NALF1: variants seen among roughly 807,000 people sequenced by gnomAD.
NALF1 encodes family with sequence similarity 155 member A.
A neutral mutation model predicts 48.4 loss-of-function variants in NALF1; 3 were observed. The ratio of observed to expected loss-of-function variants is 0.06; its 90% CI spans 0.03 to 0.16. NALF1 has a LOEUF of 0.16. NALF1 is among the 10% of genes least tolerant of loss of function. The pLI is 1.00. For synonymous variants in NALF1, 262 were observed against 245.7 expected, an observed-to-expected ratio of 1.07 and a Z score of -0.62; for missense variants, 526 against 571.5, an observed-to-expected ratio of 0.92 and a Z score of 0.81.
At chr13:107,738,590 C>G (rs1876532926) in intron 1 of NALF1, among the ~76,000 whole-genome samples, 1 of 152,250 alleles carries the variant, frequency 6.6e-6, no homozygotes, top group East Asian at 1.9e-4. Context: ...AAACTTTCCC[C>G]CTTCATTCTT....
intron 1 of NALF1, among the ~76,000 whole-genome samples, chr13:107,456,029 G>C (rs557342920): frequency 7.9e-5 from 12 of 152,222 alleles, no homozygotes; most frequent in African/African-American, 2.6e-4. Flanking sequence ...ACCCATTTGT[G>C]TACATACCCA....
chr13:107,490,042 TTAC>T (rs1885390372), intron 1 of NALF1, among the ~76,000 whole-genome samples: 1 of 152,164 alleles, frequency 6.6e-6, no homozygotes, highest in South Asian at 2.1e-4. Flanking sequence ...AGATACCATC[TTAC>T]ACCAGTCAGA....
chr13:107,285,423 A>T, intron 1 of NALF1, among the ~76,000 whole-genome samples: 1 of 152,252 alleles, frequency 6.6e-6, no homozygotes, highest in East Asian at 1.9e-4. Context: ...AGCCCAGGAC[A>T]GCATGGCTGT....
chr13:107,694,808 T>C (rs538136604), intron 1 of NALF1, among the ~76,000 whole-genome samples: 1 of 152,236 alleles, frequency 6.6e-6, no homozygotes, highest in Non-Finnish European at 1.5e-5. Context: ...TTTTTTTTTT[T>C]TTGAGACAGA....
At chr13:107,613,060 A>G (rs1886226) in intron 1 of NALF1, among the ~76,000 whole-genome samples, 28,944 of 151,272 alleles carry the variant, frequency 0.19, 2,804 homozygotes, top group East Asian at 0.41. Flanking sequence ...GGAGGAAGGG[A>G]GCAGCCACAG....
At chr13:107,319,063 C>T (rs543962874) in intron 1 of NALF1, among the ~76,000 whole-genome samples, 1 of 152,124 alleles carries the variant, frequency 6.6e-6, no homozygotes, top group African/African-American at 2.4e-5. Context: ...ACAGTCCTAA[C>T]GTCTTAAAAA....
At chr13:107,334,612 G>C (rs908609935) in intron 1 of NALF1, among the ~76,000 whole-genome samples, 1 of 152,146 alleles carries the variant, frequency 6.6e-6, no homozygotes, top group Non-Finnish European at 1.5e-5. Flanking sequence ...TTTACAAAAA[G>C]TTTTTTCTTG....
chr13:107,733,701 A>G (rs1876381299), intron 1 of NALF1, among the ~76,000 whole-genome samples: 1 of 152,212 alleles, frequency 6.6e-6, no homozygotes, highest in South Asian at 2.1e-4. Context: ...TAGTAGGAAT[A>G]TCTCATGGCA....
chr13:107,776,268 A>T (rs768216265), intron 1 of NALF1, among the ~76,000 whole-genome samples: 10 of 152,146 alleles, frequency 6.6e-5, no homozygotes, highest in Admixed American at 4.6e-4. Context: ...TCCATCTCTC[A>T]TCAGCTGGGT....
intron 1 of NALF1, among the ~76,000 whole-genome samples, chr13:107,387,801 C>T (rs1047785635): frequency 6.6e-6 from 1 of 152,198 alleles, no homozygotes; most frequent in African/African-American, 2.4e-5. Context: ...TTCATAGGTA[C>T]TTGTACTTTT....
intron 1 of NALF1, among the ~76,000 whole-genome samples, chr13:107,241,288 T>A (rs1880466248): frequency 6.6e-6 from 1 of 152,004 alleles, no homozygotes; most frequent in Non-Finnish European, 1.5e-5. Context: ...CTTTCTCATA[T>A]CAGATATGAA....
intron 1 of NALF1, among the ~76,000 whole-genome samples, chr13:107,226,513 T>C (rs907578854): frequency 2.6e-5 from 4 of 152,246 alleles, no homozygotes; most frequent in Non-Finnish European, 4.4e-5. Context: ...TTATTCACTG[T>C]GGAACAAAAT....
chr13:107,173,518 T>C (rs750809755), intron 2 of NALF1, among the ~76,000 whole-genome samples: 12 of 152,178 alleles, frequency 7.9e-5, no homozygotes, highest in Non-Finnish European at 1.5e-4. Flanking sequence ...GCATGAAGTG[T>C]TCTATCAGTT....
At chr13:107,789,621 A>C (rs1356649014) in intron 1 of NALF1, among the ~76,000 whole-genome samples, 8 of 152,194 alleles carry the variant, frequency 5.3e-5, no homozygotes, top group Non-Finnish European at 1.2e-4. Context: ...TTCTTTTTTA[A>C]GCATCAAAAT....
chr13:107,431,921 G>A (rs963510237), intron 1 of NALF1, among the ~76,000 whole-genome samples: 6 of 152,020 alleles, frequency 3.9e-5, no homozygotes, highest in Admixed American at 6.6e-5. Context: ...GATGTCCTGC[G>A]GTGAACATGA....
intron 1 of NALF1, among the ~76,000 whole-genome samples, chr13:107,325,861 T>C (rs1414523741): frequency 2.8e-4 from 19 of 69,058 alleles, no homozygotes; most frequent in South Asian, 7.4e-4. Flanking sequence ...CACACATATA[T>C]ATATATATAT....
intron 1 of NALF1, among the ~76,000 whole-genome samples, chr13:107,702,174 G>A (rs1881838240): frequency 6.6e-6 from 1 of 152,076 alleles, no homozygotes; most frequent in South Asian, 2.1e-4. Flanking sequence ...CAGATCTGAT[G>A]TAAATTATGG....
intron 1 of NALF1, among the ~76,000 whole-genome samples, chr13:107,720,734 A>G (rs1875958921): frequency 6.6e-6 from 1 of 152,162 alleles, no homozygotes; most frequent in Non-Finnish European, 1.5e-5. Flanking sequence ...AACTGCCTGC[A>G]CTGTAGTTCT....
chr13:107,758,537 T>C (rs537931016), intron 1 of NALF1, among the ~76,000 whole-genome samples: 227 of 152,018 alleles, frequency 1.5e-3, no homozygotes, highest in African/African-American at 5.1e-3. Context: ...CTGGCTAACA[T>C]AGTGAAACCC....
Sources: allele counts gnomAD v4.1 joint callset (sites outside exome capture counted in the v4.1 genomes callset), GRCh38; gene constraint gnomAD v4.1.1; transcripts MANE v1.5; gene names NCBI Gene and HGNC (gene_info 2026-07-23, HGNC 2026-07-21).